The following TRIML1 variants were observed in gnomAD, a reference collection of about 807,000 sequenced individuals.
TRIML1 encodes tripartite motif family like 1, also known as probable E3 ubiquitin-protein ligase TRIML1.
TRIML1 carries 34 observed loss-of-function variants against 32.3 expected under a neutral mutation model. That is an observed-to-expected ratio of 1.05 (90% CI 0.80 to 1.40). The LOEUF (loss-of-function observed/expected upper bound fraction) is 1.40, where lower values mean the gene tolerates loss of function less well. TRIML1 is among the 40% of genes most tolerant of loss of function. The pLI is 0.00. For missense variants in TRIML1, 595 were observed against 574.9 expected, an observed-to-expected ratio of 1.03 and a Z score of -0.36; for synonymous variants, 244 against 226.6, an observed-to-expected ratio of 1.08 and a Z score of -0.69.
intron 2 of TRIML1, among the ~76,000 whole-genome samples, chr4:188,141,837 G>A (rs73023237): frequency 0.12 from 18,206 of 152,022 alleles, 1,281 homozygotes; most frequent in Non-Finnish European, 0.15. Flanking sequence ...ACTTGGCCAG[G>A]CATGGTGGCC....
chr4:188,149,519 T>C (rs1053171876), downstream of TRIML1, among the ~76,000 whole-genome samples: 3 of 152,134 alleles, frequency 2.0e-5, no homozygotes, highest in African/African-American at 7.2e-5. Context: ...GGGTTTACTG[T>C]AGGGTGCGCT....
rs1038797704 is a variant in TRIML1 at position 188,147,676 on chromosome 4, G to A, written c.*304G>A. The A allele has an allele frequency of 1.1e-5, 3 of 276,184 alleles. No individual in the cohort carries two copies. The highest frequency in any genetic ancestry group is 2.0e-5 in the Non-Finnish European group (3 of 148,948). The allele number at this position is 276,184 out of a possible 1,614,324, so 17.1% of individuals were successfully genotyped here. ...AGCCCCTATTACCATGAATCCTACT[G>A]CCATAGGCCAGATTTTATAAATATA... On this transcript the variant is annotated 3_prime_UTR_variant, in exon 6 of 6. Transcript: ENST00000332517.
intron 2 of TRIML1, among the ~76,000 whole-genome samples, chr4:188,141,165 G>T (rs1173202588): frequency 4.2e-4 from 50 of 118,726 alleles, no homozygotes; most frequent in South Asian, 6.1e-4. Context: ...TTTGAAATCT[G>T]TTTTTTTTTT....
chr4:188,150,107 TTTTA>T (rs1040908553), downstream of TRIML1, among the ~76,000 whole-genome samples: 2 of 146,652 alleles, frequency 1.4e-5, no homozygotes, highest in Non-Finnish European at 3.0e-5. Flanking sequence ...CCCGGCCTTA[TTTTA>T]TTTATTTTTA....
At chr4:188,148,356 T>C (rs982677396), downstream of TRIML1, among the ~76,000 whole-genome samples, 47 of 150,270 alleles carry the variant, frequency 3.1e-4, no homozygotes, top group African/African-American at 9.1e-4. Flanking sequence ...TAGCTGGGCA[T>C]GATGGCACAT....
At chr4:188,142,115 C>CAAA (rs34286328) in intron 2 of TRIML1, 137 bp from the exon 3 acceptor site, 28 of 470,436 alleles carry the variant, frequency 6.0e-5, no homozygotes, top group East Asian at 1.2e-4. Context: ...GACTCCATCT[C>CAAA]AAAAAAAAAA....
intron 5 of TRIML1, among the ~76,000 whole-genome samples, chr4:188,146,066 C>T (rs1416062030): frequency 6.6e-6 from 1 of 152,146 alleles, no homozygotes; most frequent in Non-Finnish European, 1.5e-5. Context: ...GAAAAGAATG[C>T]TTGCAGTGAT....
At chr4:188,143,604 A>G (rs1734944788) in intron 3 of TRIML1, 1 of 574,266 alleles carries the variant, frequency 1.7e-6, no homozygotes. Flanking sequence ...TGATGATACG[A>G]GAAAAAGAAA....
In TRIML1 at chr4:188,146,928, G is replaced by A. The variant is rs757005539; in HGVS notation, c.963G>A (p.Pro321=). The A allele has an allele frequency of 8.7e-6, 13 of 1,495,426 alleles. No homozygotes were observed. The East Asian group carries it at 1.9e-4, about 22-fold the overall frequency. 92.6% of individuals were successfully genotyped at this position (1,495,426 alleles called of 1,614,324 possible). ...GGSRQQLPDN[P]ERFDQSATVL... is the part of the protein sequence containing the mutation. Reference sequence around the variant, plus strand: ...GCAGACAGCAGCTACCCGACAACCCGGAAAGATTTGACCAGTCTGCGACTG... The same window carrying A: ...GCAGACAGCAGCTACCCGACAACCCAGAAAGATTTGACCAGTCTGCGACTG... Residue 321 remains proline, a synonymous_variant, in exon 6 of 6, where the codon CCG becomes CCA. Coordinates refer to ENST00000332517, the MANE Select transcript of TRIML1 (RefSeq NM_178556.5).
In TRIML1 at chr4:188,146,963, C is replaced by A; in HGVS notation, c.998C>A (p.Thr333Asn). 1 of 1,554,382 alleles carries A rather than the reference C, an allele frequency of 6.4e-7. No individual in the cohort carries two copies. The highest frequency in any genetic ancestry group is 8.7e-7 in the Non-Finnish European group (1 of 1,151,148). The change falls in exon 6 of 6, where the codon ACT (threonine) becomes AAT (asparagine). Residue 333 changes from threonine to asparagine, a missense_variant. Coordinates refer to ENST00000332517, the MANE Select transcript of TRIML1 (RefSeq NM_178556.5). ...GACCAGTCTGCGACTGTGCTGGGTA[C>A]TCAGATCTTCACCAGTGGGAGACAC... ...RFDQSATVLG[T>N]QIFTSGRHYW...
intron 1 of TRIML1, among the ~76,000 whole-genome samples, chr4:188,140,215 G>A (rs1734801551): frequency 6.6e-6 from 1 of 151,738 alleles, no homozygotes; most frequent in Admixed American, 6.6e-5. Flanking sequence ...CCGCCTCCCA[G>A]GTTCACGCCA....
rs772291886 is a variant in TRIML1, at chr4:188,147,144, A to G, written c.1179A>G (p.Ser393=). 3.1e-6 allele frequency: 5 copies of G among 1,614,058 alleles called. No individual in the cohort carries two copies. Among genetic ancestry groups the G allele is most frequent in the Middle Eastern group, 1.6e-4 (1 of 6,062 alleles). The change falls in exon 6 of 6, where the codon TCA becomes TCG. Residue 393 remains serine, a synonymous_variant. Coordinates refer to ENST00000332517, the MANE Select transcript of TRIML1 (RefSeq NM_178556.5). ...ATGATTACAGCCTCTGGGTCTCGTC[A>G]CCTTTGAAAGGTCAGCACGTCAGAG... The part of the protein sequence containing the change: ...IGDDYSLWVS[S]PLKGQHVREP...
chr4:188,143,765 T>A, intron 3 of TRIML1, 73 bp from the exon 4 acceptor site: 1 of 1,569,814 alleles, frequency 6.4e-7, no homozygotes, highest in East Asian at 2.2e-5. Context: ...TTGCAAGGAC[T>A]GTATGCAAAA....
Position 188,145,225 on chromosome 4 carries a change from G to A in TRIML1, c.856+1092G>A, listed in dbSNP as rs1279616414. 2.6e-5 allele frequency among the ~76,000 whole-genome samples: 4 copies of A among 151,854 alleles called. No homozygotes were observed. In the East Asian group the frequency reaches 7.8e-4, roughly 30 times the overall value. ...GGCCAAGGCGGGCAGATCACTTGGG[G>A]TCAGGAGTTCGAGACCAGCCTGGCC... On this transcript the variant is annotated intron_variant, in intron 5 of 5. Coordinates refer to ENST00000332517, the MANE Select transcript of TRIML1 (RefSeq NM_178556.5).
chr4:188,137,236 A>C (rs548742519), upstream of TRIML1, among the ~76,000 whole-genome samples: 49 of 151,000 alleles, frequency 3.2e-4, no homozygotes, highest in Admixed American at 3.1e-3. Context: ...TAACACACTG[A>C]ATGGAGATGG....
Position 188,139,645 on chromosome 4 carries a change from C to T in TRIML1, c.87C>T (p.Thr29=), listed in dbSNP as rs1161726817. ...ACTATTTCAGCAGCCCAGTGACCACCGAGTGTGGGCACAGCTTTTGTCTGG... is the reference window on the plus strand; with the variant it reads ...ACTATTTCAGCAGCCCAGTGACCACTGAGTGTGGGCACAGCTTTTGTCTGG... The part of the protein sequence containing the change: ...CLDYFSSPVT[T]ECGHSFCLVC... Residue 29 remains threonine (T), a synonymous_variant, in exon 1 of 6, where the codon ACC becomes ACT. Transcript: ENST00000332517. The T allele has an allele frequency of 6.2e-6, 10 of 1,613,930 alleles. No individual in the cohort carries two copies. Among genetic ancestry groups the T allele is most frequent in the South Asian group, 2.2e-5 (2 of 91,074 alleles).
At chr4:188,141,261 G>A (rs368066778) in intron 2 of TRIML1, among the ~76,000 whole-genome samples, 13 of 145,190 alleles carry the variant, frequency 9.0e-5, no homozygotes, top group African/African-American at 1.5e-4. Context: ...TCCACCTCCC[G>A]GGTTCAAGTG....
intron 2 of TRIML1, among the ~76,000 whole-genome samples, chr4:188,141,914 C>A (rs541396844): frequency 5.3e-5 from 8 of 152,072 alleles, no homozygotes; most frequent in Admixed American, 5.2e-4. Flanking sequence ...AGACTTGAGA[C>A]AATCCTGACC....
At position 188,147,475 on chromosome 4, in the gene TRIML1, A is replaced by T. The variant is rs1579172910; in HGVS notation, c.*103A>T. ...GTATTAATGTCAGGTGATCTGAAAT[A>T]AACTCCCGTAACCCCACCCCACCCC... On this transcript the variant is annotated 3_prime_UTR_variant, in exon 6 of 6. Transcript: ENST00000332517. The T allele has an allele frequency of 9.3e-7, 1 of 1,070,450 alleles. No individual in the cohort carries two copies. Among genetic ancestry groups the T allele is most frequent in the Non-Finnish European group, 1.2e-6 (1 of 814,954 alleles). The allele number at this position is 1,070,450 out of a possible 1,614,324, so 66.3% of individuals were successfully genotyped here.
Sources: gnomAD v4.1 joint callset for allele counts (sites outside exome capture counted in the v4.1 genomes callset) on GRCh38, gnomAD v4.1.1 for gene constraint, MANE v1.5 for transcripts, NCBI Gene and HGNC (gene_info 2026-07-23, HGNC 2026-07-21) for gene names.